The following CCDC102B variants were observed in gnomAD, a reference collection of about 807,000 sequenced individuals.
CCDC102B encodes coiled-coil domain-containing protein 102B.
CCDC102B carries 75 observed loss-of-function variants against 57.4 expected under a neutral mutation model. The observed-to-expected ratio is 1.31, with a 90% CI of 1.08 to 1.58. The LOEUF is 1.58. Ranked by LOEUF, CCDC102B falls within the 40% of genes most tolerant of loss-of-function variation. CCDC102B has a pLI of 0.00. For missense variants in CCDC102B, 636 were observed against 582.6 expected (o/e 1.09, Z -0.94); for synonymous variants, 206 against 201.9 (o/e 1.02, Z -0.17).
At chr18:69,050,430 T>C (rs543914732) in intron 7 of CCDC102B, among the ~76,000 whole-genome samples, 3 of 152,208 alleles carry the variant, frequency 2.0e-5, no homozygotes, top group Non-Finnish European at 4.4e-5. Context: ...AGTGCTCATT[T>C]TACTGCATTA....
At chr18:69,006,254 G>T (rs1209659174) in intron 6 of CCDC102B, among the ~76,000 whole-genome samples, 4 of 152,224 alleles carry the variant, frequency 2.6e-5, no homozygotes, top group African/African-American at 9.6e-5. Context: ...TTGGATTATA[G>T]TGTATGATCC....
chr18:68,922,473 T>G (rs180890679), intron 6 of CCDC102B, among the ~76,000 whole-genome samples: 2 of 152,250 alleles, frequency 1.3e-5, no homozygotes, highest in East Asian at 3.9e-4. Context: ...TGAAGGCCAG[T>G]TGGGAGTCAG....
rs140589623 is a variant in CCDC102B, at chr18:68,791,918, CAG to C, written c.-66-31447_-66-31446del. Among the ~76,000 whole-genome samples, 1,323 of 152,170 alleles carry C rather than the reference CAG, an allele frequency of 8.7e-3. 12 individuals carry two copies. Among genetic ancestry groups the C allele is most frequent in the African/African-American group, 0.022 (906 of 41,492 alleles). ...CTCAACTGATAGAGTTTTTGCCTCT[CAG>C]GGGATATTTGGCAATGTCTGGTAAC... On this transcript the variant is annotated intron_variant, in intron 2 of 3. Transcript: ENST00000578970.
chr18:68,975,936 T>A (rs1214804563), intron 6 of CCDC102B, among the ~76,000 whole-genome samples: 1 of 151,798 alleles, frequency 6.6e-6, no homozygotes, highest in Non-Finnish European at 1.5e-5. Context: ...TGGGGATAAT[T>A]AGCCTTTATT....
chr18:68,776,595 A>G (rs1354448104), intron 2 of CCDC102B, among the ~76,000 whole-genome samples: 1 of 152,224 alleles, frequency 6.6e-6, no homozygotes, highest in African/African-American at 2.4e-5. Flanking sequence ...GTTCTCACTT[A>G]TAAGTGGGAG....
In CCDC102B at chr18:68,738,993, C is replaced by CTTTTTTTTTT. The variant is rs201214278; in HGVS notation, c.-67+22403_-67+22404insTTTTTTTTTT. 8.6e-4 allele frequency among the ~76,000 whole-genome samples: 125 copies of CTTTTTTTTTT among 144,982 alleles called. 3 individuals are homozygous for CTTTTTTTTTT. Among genetic ancestry groups the CTTTTTTTTTT allele is most frequent in the African/African-American group, 2.2e-3 (84 of 37,954 alleles). On this transcript the variant is annotated intron_variant, in intron 2 of 3. Transcript: ENST00000578970. ...GGCCATTGGACTGTAGATGAGCAGCCTTTTGTTTTTTTTTTTTTTAGACCA... is the reference window on the plus strand; with the variant it reads ...GGCCATTGGACTGTAGATGAGCAGCCTTTTTTTTTTTTTTGTTTTTTTTTTTTTTAGACCA...
At chr18:68,752,470 A>T (rs1283166821) in intron 2 of CCDC102B, among the ~76,000 whole-genome samples, 1 of 126,198 alleles carries the variant, frequency 7.9e-6, no homozygotes, top group African/African-American at 2.8e-5. Context: ...GAAAACAGTG[A>T]AAATGTCTGA....
intron 4 of CCDC102B, among the ~76,000 whole-genome samples, chr18:68,873,591 A>T (rs1253400850): frequency 1.3e-5 from 2 of 152,062 alleles, no homozygotes; most frequent in Non-Finnish European, 2.9e-5. Flanking sequence ...TAGAGGAGGG[A>T]TAATGATAAG....
intron 6 of CCDC102B, among the ~76,000 whole-genome samples, chr18:69,005,017 A>G (rs1423597676): frequency 1.3e-5 from 2 of 152,220 alleles, no homozygotes; most frequent in East Asian, 1.9e-4. Context: ...TGTTGAAGAT[A>G]CATGTTCCTC....
chr18:68,787,624 T>C (rs1213773678), intron 2 of CCDC102B, among the ~76,000 whole-genome samples: 3 of 150,262 alleles, frequency 2.0e-5, no homozygotes, highest in Admixed American at 6.6e-5. Context: ...GTAGAGGTGT[T>C]TGTAGTATTC....
intron 6 of CCDC102B, among the ~76,000 whole-genome samples, chr18:68,973,650 TG>T (rs1164863377): frequency 8.5e-5 from 13 of 152,128 alleles, no homozygotes; most frequent in Admixed American, 2.6e-4. Flanking sequence ...AATATAGAAA[TG>T]GTTGTGGATA....
chr18:68,974,332 A>C (rs1387656692), intron 6 of CCDC102B, among the ~76,000 whole-genome samples: 1 of 152,060 alleles, frequency 6.6e-6, no homozygotes, highest in Non-Finnish European at 1.5e-5. Flanking sequence ...AAACAAAGAC[A>C]CACCCTAACG....
At chr18:68,987,728 G>A (rs1398136086) in intron 6 of CCDC102B, among the ~76,000 whole-genome samples, 2 of 151,752 alleles carry the variant, frequency 1.3e-5, no homozygotes, top group Non-Finnish European at 1.5e-5. Context: ...TCAAAAAGTG[G>A]GCAAAAGACA....
chr18:68,741,667 T>TCACA (rs60407642), intron 2 of CCDC102B, among the ~76,000 whole-genome samples: 27 of 140,370 alleles, frequency 1.9e-4, no homozygotes, highest in African/African-American at 5.6e-4. Flanking sequence ...TGAAGACTGG[T>TCACA]CACACACACA....
At position 68,816,374 on chromosome 18, in the gene CCDC102B, G is replaced by A. The variant is rs187878074; in HGVS notation, c.-16+18193G>A. Among the ~76,000 whole-genome samples, 1,397 of 151,692 alleles carry A rather than the reference G, an allele frequency of 9.2e-3. 15 individuals are homozygous for A. Among genetic ancestry groups the A allele is most frequent in the South Asian group, 0.019 (93 of 4,796 alleles). ...GTTTTATGGTTTAAACTGAGTCTGG[G>A]AAAAGTAAACTTCTCCAAGATCTCA... On this transcript the variant is annotated intron_variant, in intron 1 of 7. Transcript: ENST00000360242.
intron 6 of CCDC102B, among the ~76,000 whole-genome samples, chr18:68,960,294 A>G (rs1429859830): frequency 6.6e-6 from 1 of 152,086 alleles, no homozygotes; most frequent in South Asian, 2.1e-4. Context: ...ATGAATCCTC[A>G]CCAGCATTTG....
At chr18:68,732,955 A>G (rs2032950365) in intron 2 of CCDC102B, among the ~76,000 whole-genome samples, 1 of 152,076 alleles carries the variant, frequency 6.6e-6, no homozygotes, top group South Asian at 2.1e-4. Flanking sequence ...TAGGGACAAA[A>G]TAAAGACATC....
chr18:68,982,425 A>G (rs1210541025), intron 6 of CCDC102B, among the ~76,000 whole-genome samples: 1 of 151,944 alleles, frequency 6.6e-6, no homozygotes, highest in East Asian at 1.9e-4. Context: ...TGATTTGTAG[A>G]TTCCACAAAT....
intron 6 of CCDC102B, among the ~76,000 whole-genome samples, chr18:68,938,152 C>T (rs10445526): frequency 0.54 from 82,138 of 151,816 alleles, 26,296 homozygotes; most frequent in Non-Finnish European, 0.69. Context: ...ATGTTTGGAA[C>T]GGAGCTTAAC....
Sources: gnomAD v4.1 joint callset for allele counts (sites outside exome capture counted in the v4.1 genomes callset) on GRCh38, gnomAD v4.1.1 for gene constraint, MANE v1.5 for transcripts, NCBI Gene and HGNC (gene_info 2026-07-23, HGNC 2026-07-21) for gene names.